Variants in HTR2A observed in about 807,000 individuals in gnomAD.
HTR2A encodes 5-hydroxytryptamine receptor 2A, also known as 5-HT2 receptor.
A neutral mutation model predicts 31.0 loss-of-function variants in HTR2A; 14 were observed. That is an observed-to-expected ratio of 0.45 (90% CI 0.30 to 0.71). HTR2A has a LOEUF of 0.71. Ranked by LOEUF, HTR2A falls within the 30% of genes least tolerant of loss-of-function variation. The pLI, the probability that HTR2A is intolerant of heterozygous loss-of-function variation, is 0.09. For synonymous variants in HTR2A, 209 were observed against 225.2 expected, an observed-to-expected ratio of 0.93 and a Z score of 0.64; for missense variants, 442 against 573.3, an observed-to-expected ratio of 0.77 and a Z score of 2.34.
chr13:46,839,449 G>A (rs1213722323), intron 3 of HTR2A, among the ~76,000 whole-genome samples: 1 of 152,122 alleles, frequency 6.6e-6, no homozygotes, highest in African/African-American at 2.4e-5. Flanking sequence ...ATGAAGACAT[G>A]GGCTGATATC....
intron 3 of HTR2A, among the ~76,000 whole-genome samples, chr13:46,846,269 T>C (rs1354806113): frequency 6.6e-6 from 1 of 152,106 alleles, no homozygotes; most frequent in African/African-American, 2.4e-5. Flanking sequence ...TACCCTTATA[T>C]AGTAAATATA....
At chr13:46,840,653 T>G (rs1478402130) in intron 3 of HTR2A, among the ~76,000 whole-genome samples, 1 of 152,156 alleles carries the variant, frequency 6.6e-6, no homozygotes, top group East Asian at 1.9e-4. Flanking sequence ...GGGTTCTTAA[T>G]TCTTATGGTG....
In HTR2A at chr13:46,896,846, C is replaced by G; in HGVS notation, c.-501G>C. On this transcript the variant is annotated 5_prime_UTR_variant, in exon 1 of 4. Coordinates refer to ENST00000542664, the MANE Select transcript of HTR2A (RefSeq NM_000621.5). ...TCAAAAACTGCATGCAAGAGCTGAG[C>G]CAGCTCCCGCACTGCTAGGATCCTG... is the stretch of plus-strand genomic sequence containing the variant. 6.5e-7 allele frequency: 1 copy of G among 1,536,208 alleles called. No homozygotes were observed. The highest frequency in any genetic ancestry group is 8.7e-7 in the Non-Finnish European group (1 of 1,146,376).
rs371199634 is a variant in HTR2A, at chr13:46,895,465, G to C, written c.412+30C>G. 8 of 1,601,176 alleles carry C rather than the reference G, an allele frequency of 5.0e-6. No individual in the cohort carries two copies. In the African/African-American group the frequency reaches 1.1e-4, roughly 21 times the overall value. On this transcript the variant is annotated intron_variant, in intron 2 of 3. Coordinates refer to ENST00000542664, the MANE Select transcript of HTR2A (RefSeq NM_000621.5). The surrounding 1 kb of genome is among the most constrained non-coding windows in gnomAD (Gnocchi z 4.4). The stretch of plus-strand genomic sequence containing the variant: ...TGCACATGCTCTTTATTACCAGTGC[G>C]AATATAGCTGGGAAACTAATGCCAC...
chr13:46,863,787 G>T (rs1298275409), intron 3 of HTR2A, among the ~76,000 whole-genome samples: 1 of 151,880 alleles, frequency 6.6e-6, no homozygotes, highest in Non-Finnish European at 1.5e-5. Flanking sequence ...GCAAGGTTGT[G>T]GAGAAAAAGG....
chr13:46,876,799 C>T (rs527924962), intron 3 of HTR2A, among the ~76,000 whole-genome samples: 2 of 152,268 alleles, frequency 1.3e-5, no homozygotes, highest in East Asian at 3.9e-4. Context: ...TGAATCCTCA[C>T]TGTGTCCCCC....
chr13:46,876,648 C>A (rs1283487858), intron 3 of HTR2A, among the ~76,000 whole-genome samples: 1 of 151,834 alleles, frequency 6.6e-6, no homozygotes, highest in Non-Finnish European at 1.5e-5. Context: ...GATCTCCTGA[C>A]CTTGTGATCC....
In HTR2A at chr13:46,895,978, C is replaced by G; in HGVS notation, c.-72G>C. 2.0e-6 allele frequency: 3 copies of G among 1,530,088 alleles called. No individual in the cohort carries two copies. The highest frequency in any genetic ancestry group is 2.3e-5 in the East Asian group (1 of 44,214). 94.8% of individuals were successfully genotyped at this position (1,530,088 alleles called of 1,614,324 possible). On this transcript the variant is annotated 5_prime_UTR_variant, in exon 2 of 4. Coordinates refer to ENST00000542664, the MANE Select transcript of HTR2A (RefSeq NM_000621.5). The surrounding 1 kb of genome is among the most constrained non-coding windows in gnomAD (Gnocchi z 4.4). Reference sequence around the variant, plus strand: ...GTTATAGTTTCTGCTCACCATTCACCTTGATGTACCCACACTCTGTAACAC... The same window carrying G: ...GTTATAGTTTCTGCTCACCATTCACGTTGATGTACCCACACTCTGTAACAC...
chr13:46,894,138 A>C (rs528705796), intron 2 of HTR2A, among the ~76,000 whole-genome samples: 2 of 152,192 alleles, frequency 1.3e-5, no homozygotes, highest in Admixed American at 1.3e-4. Flanking sequence ...TTGTGGGAGA[A>C]GCCCCATGCC....
At chr13:46,847,591 A>G (rs1333764486) in intron 3 of HTR2A, among the ~76,000 whole-genome samples, 2 of 152,212 alleles carry the variant, frequency 1.3e-5, no homozygotes, top group Non-Finnish European at 2.9e-5. Context: ...TCATTATTCA[A>G]TTAGCTTGGC....
intron 3 of HTR2A, among the ~76,000 whole-genome samples, chr13:46,875,234 C>T (rs1950899215): frequency 6.6e-6 from 1 of 152,120 alleles, no homozygotes; most frequent in South Asian, 2.1e-4. Flanking sequence ...TATAGTTGTT[C>T]ATCTGGGATT....
intron 3 of HTR2A, among the ~76,000 whole-genome samples, chr13:46,878,112 A>C (rs1403610246): frequency 2.0e-5 from 3 of 152,168 alleles, no homozygotes; most frequent in Non-Finnish European, 4.4e-5. Flanking sequence ...AATTTAGTTA[A>C]ACCTGTTTCA....
At chr13:46,890,335 C>A (rs1028328344) in intron 3 of HTR2A, among the ~76,000 whole-genome samples, 4 of 152,206 alleles carry the variant, frequency 2.6e-5, no homozygotes, top group African/African-American at 9.6e-5. Flanking sequence ...AAGAGCGAAA[C>A]TTCATCTCAA....
intron 3 of HTR2A, among the ~76,000 whole-genome samples, chr13:46,872,006 C>T (rs372997574): frequency 5.9e-5 from 9 of 152,182 alleles, no homozygotes; most frequent in South Asian, 2.1e-4. Flanking sequence ...CTTTAAATTC[C>T]GACAAATATC....
rs1354034635 is a variant in HTR2A at position 46,841,030 on chromosome 13, G to A, written c.614-5391C>T. Among the ~76,000 whole-genome samples the A allele has an allele frequency of 3.9e-5, 6 of 152,030 alleles. No individual in the cohort carries two copies. The South Asian group carries it at 6.2e-4, about 16-fold the overall frequency. On this transcript the variant is annotated intron_variant, in intron 3 of 3. Transcript: ENST00000542664. ...TTCTCGTGATAGTGAGAGTTCTCAC[G>A]AGATCTGATGGTTTTATGTGTTTGA...
chr13:46,875,856 G>C (rs1341653765), intron 3 of HTR2A, among the ~76,000 whole-genome samples: 2 of 152,168 alleles, frequency 1.3e-5, no homozygotes, highest in African/African-American at 4.8e-5. Context: ...AGAGAAAGCA[G>C]GTGCTAATTT....
At chr13:46,863,494 G>A (rs1198353178) in intron 3 of HTR2A, among the ~76,000 whole-genome samples, 3 of 151,008 alleles carry the variant, frequency 2.0e-5, no homozygotes, top group Non-Finnish European at 4.4e-5. Flanking sequence ...GTGGTGGAGT[G>A]TGCCTGTAGT....
chr13:46,889,265 A>G (rs578231881), intron 3 of HTR2A, among the ~76,000 whole-genome samples: 3 of 152,336 alleles, frequency 2.0e-5, no homozygotes, highest in Non-Finnish European at 1.5e-5. Context: ...ACAGTTAATG[A>G]TAAAAGAATC....
At chr13:46,884,992 A>G (rs1347142741) in intron 3 of HTR2A, among the ~76,000 whole-genome samples, 1 of 152,174 alleles carries the variant, frequency 6.6e-6, no homozygotes, top group Non-Finnish European at 1.5e-5. Flanking sequence ...TGAGGGCCAT[A>G]CATTCCAAGA....
Sources: gnomAD v4.1 joint callset for allele counts (sites outside exome capture counted in the v4.1 genomes callset) on GRCh38, gnomAD v4.1.1 for gene constraint, Gnocchi (gnomAD v3.1) non-coding constraint, MANE v1.5 for transcripts, NCBI Gene and HGNC (gene_info 2026-07-23, HGNC 2026-07-21) for gene names.